The following USP42 variants were observed in gnomAD, a reference collection of about 807,000 sequenced individuals.
USP42 encodes ubiquitin specific peptidase 42, also known as ubiquitin carboxyl-terminal hydrolase 42.
Under a neutral mutation model 113.0 loss-of-function variants are expected in USP42, and 23 were observed. The observed-to-expected ratio is 0.20, with a 90% CI of 0.15 to 0.29. The LOEUF (loss-of-function observed/expected upper bound fraction) is 0.29. USP42 is among the 10% of genes least tolerant of loss of function. The pLI is 1.00. For synonymous variants in USP42, 933 were observed against 699.0 expected (o/e 1.33, Z -5.28); for missense variants, 2,174 against 1,779.8 (o/e 1.22, Z -3.99).
upstream of USP42, among the ~76,000 whole-genome samples, chr7:6,103,909 A>G (rs1172316425): frequency 6.6e-6 from 1 of 150,976 alleles, no homozygotes. Flanking sequence ...CTCCACACCA[A>G]AAACAAACAA....
chr7:6,138,796 T>A (rs1781295220), intron 4 of USP42, among the ~76,000 whole-genome samples: 1 of 152,174 alleles, frequency 6.6e-6, no homozygotes. Context: ...CTTAGGAGAA[T>A]CTCATGCCTG....
At chr7:6,100,595 GC>G (rs1398849292), upstream of USP42, among the ~76,000 whole-genome samples, 2 of 150,666 alleles carry the variant, frequency 1.3e-5, no homozygotes, top group African/African-American at 5.0e-5. Flanking sequence ...CTCTCAAAGT[GC>G]TGGGATTACA....
Position 6,154,307 on chromosome 7 carries a change from C to A in USP42, c.2753C>A (p.Pro918His). The change falls in exon 15 of 18, where the codon CCT (proline) becomes CAT (histidine). Residue 918 changes from proline to histidine, a missense_variant. Pro to His is a moderately conservative substitution (Grantham distance 77). Coordinates refer to ENST00000306177, the MANE Select transcript of USP42 (RefSeq NM_032172.3). ...PAGHPEGDAE[P>H]SPGERVEDAA... is the part of the protein sequence containing the mutation. Reference sequence around the variant, plus strand: ...GGTCACCCGGAAGGGGACGCTGAGCCTAGCCCCGGCGAGAGGGTCGAGGAC... The same window carrying A: ...GGTCACCCGGAAGGGGACGCTGAGCATAGCCCCGGCGAGAGGGTCGAGGAC... The A allele has an allele frequency of 1.3e-6, 2 of 1,582,136 alleles. No individual in the cohort carries two copies. The highest frequency in any genetic ancestry group is 2.3e-5 in the East Asian group (1 of 42,896).
At chr7:6,145,459 A>G (rs1391006377) in intron 9 of USP42, 57 bp from the exon 10 acceptor site, 7 of 1,607,766 alleles carry the variant, frequency 4.4e-6, no homozygotes, top group Non-Finnish European at 6.0e-6. Flanking sequence ...CTCTACCTGA[A>G]TATGTGGAAT....
intron 3 of USP42, among the ~76,000 whole-genome samples, chr7:6,130,324 G>A (rs558495129): frequency 1.6e-4 from 24 of 152,348 alleles, no homozygotes; most frequent in Non-Finnish European, 2.9e-4. Context: ...CGTTGTCCCT[G>A]CTGGGTGGAA....
Position 6,159,308 on chromosome 7 carries a change from T to TC in USP42, c.3944-141dup. On this transcript the variant is annotated intron_variant, in intron 16 of 17. Transcript: ENST00000306177. This position sits in a 1 kb window ranked among gnomAD's most constrained non-coding sequence, Gnocchi z 4.1. ...CCGCTGAGCGCTGGGACATCCCTGCTCACCTCACTGGGGAGTGGCCTCAGG... is the reference window on the plus strand; with the variant it reads ...CCGCTGAGCGCTGGGACATCCCTGCTCCACCTCACTGGGGAGTGGCCTCAGG... 1.9e-6 allele frequency: 2 copies of TC among 1,036,956 alleles called. No individual in the cohort carries two copies. Among genetic ancestry groups the TC allele is most frequent in the Non-Finnish European group, 2.9e-6 (2 of 688,466 alleles). The allele number at this position is 1,036,956 out of a possible 1,614,324, so 64.2% of individuals were successfully genotyped here. A position where few individuals can be genotyped will look rare whatever the true frequency, so the allele number is the denominator to read the frequency against.
In USP42 at chr7:6,158,734, A is replaced by C. The variant is rs1782605017; in HGVS notation, c.3944-716A>C. Among the ~76,000 whole-genome samples, 1 of 152,076 alleles carries C rather than the reference A, an allele frequency of 6.6e-6. No homozygotes were observed. Among genetic ancestry groups the C allele is most frequent in the Admixed American group, 6.6e-5 (1 of 15,264 alleles). Reference sequence around the variant, plus strand: ...GCGTTCCCATTTCAGCGAATCGGGGAAGGAGATTCGTGAGGGCTGCTTGGT... The same window carrying C: ...GCGTTCCCATTTCAGCGAATCGGGGCAGGAGATTCGTGAGGGCTGCTTGGT... On this transcript the variant is annotated intron_variant, in intron 16 of 17. Transcript: ENST00000306177. The surrounding 1 kb of genome is among the most constrained non-coding windows in gnomAD (Gnocchi z 4.2).
At position 6,157,379 on chromosome 7, in the gene USP42, G is replaced by GCTTTA. The variant is rs1554350708; in HGVS notation, c.3943+324_3943+325insCTTTA. On this transcript the variant is annotated intron_variant, in intron 16 of 17. Coordinates refer to ENST00000306177, the MANE Select transcript of USP42 (RefSeq NM_032172.3). This position sits in a 1 kb window ranked among gnomAD's most constrained non-coding sequence, Gnocchi z 4.1. ...GGACCAGAACTCTTGGTTTGGTTTG[G>GCTTTA]TTTTATTTTATTTTATTTTATTTAT... 2 of 1,023,912 alleles carry GCTTTA rather than the reference G, an allele frequency of 2.0e-6. No individual in the cohort carries two copies. Among genetic ancestry groups the GCTTTA allele is most frequent in the Middle Eastern group, 3.1e-4 (1 of 3,254 alleles). 63.4% of individuals were successfully genotyped at this position (1,023,912 alleles called of 1,614,324 possible). A position where few individuals can be genotyped will look rare whatever the true frequency, so the allele number is the denominator to read the frequency against.
chr7:6,104,123 G>A (rs923233313), upstream of USP42, among the ~76,000 whole-genome samples: 1 of 151,348 alleles, frequency 6.6e-6, no homozygotes, highest in African/African-American at 2.5e-5. Flanking sequence ...CGCCCAGGCT[G>A]GAGGGCTGCA....
At chr7:6,151,634 G>A (rs1209183290) in intron 14 of USP42, among the ~76,000 whole-genome samples, 2 of 152,086 alleles carry the variant, frequency 1.3e-5, no homozygotes, top group East Asian at 3.9e-4. Context: ...GTAGAGACAG[G>A]GTTTTACCAT....
chr7:6,146,813 T>C (rs1583663904), intron 11 of USP42, among the ~76,000 whole-genome samples: 1 of 152,044 alleles, frequency 6.6e-6, no homozygotes, highest in East Asian at 1.9e-4. Context: ...CTGACAAGGG[T>C]GGGCTTCTGC....
intron 6 of USP42, 98 bp downstream of exon 6, chr7:6,140,293 G>A (rs1159476259): frequency 8.0e-6 from 8 of 1,002,174 alleles, no homozygotes; most frequent in Non-Finnish European, 1.2e-5. Flanking sequence ...GGAAGGAAAA[G>A]TGCTTCTCTC....
In USP42 at chr7:6,119,092, A is replaced by G. The variant is rs548098103; in HGVS notation, c.442+3569A>G. 1.3e-4 allele frequency among the ~76,000 whole-genome samples: 20 copies of G among 151,342 alleles called. 1 individual carries two copies. The South Asian group carries it at 2.3e-3, about 17-fold the overall frequency. ...TAGCTGCATCTGGGAACTCATGCCT[A>G]TAGTCCTAGTTACTTCGGAGGCTGA... On this transcript the variant is annotated intron_variant, in intron 3 of 17. Transcript: ENST00000306177.
At position 6,154,446 on chromosome 7, in the gene USP42, G is replaced by C. The variant is rs972789768; in HGVS notation, c.2892G>C (p.Glu964Asp). The change falls in exon 15 of 18, where the codon GAG becomes GAC. Residue 964 changes from glutamate (E) to aspartate (D), a missense_variant. By Grantham distance (45) the Glu-to-Asp change is conservative. Transcript: ENST00000306177. ...RSRRERSSSG[E>D]PARESRSKTE... ...GGAGAGAGCGCTCGTCCAGCGGGGA[G>C]CCCGCCAGAGAGAGCAGGAGCAAGA... 8.3e-6 allele frequency: 13 copies of C among 1,567,100 alleles called. No homozygotes were observed. The African/African-American group carries it at 1.8e-4, about 21-fold the overall frequency.
intron 14 of USP42, among the ~76,000 whole-genome samples, chr7:6,152,393 C>T (rs575398743): frequency 1.3e-5 from 2 of 152,370 alleles, no homozygotes; most frequent in East Asian, 1.9e-4. Context: ...AAAACCGTGC[C>T]AGTGACACAC....
chr7:6,146,673 C>T (rs896106153), intron 11 of USP42, among the ~76,000 whole-genome samples: 26 of 152,202 alleles, frequency 1.7e-4, no homozygotes, highest in African/African-American at 6.3e-4. Flanking sequence ...AAAAAAAAAC[C>T]AAAAACCATC....
At chr7:6,123,847 A>C (rs1050017400) in intron 3 of USP42, among the ~76,000 whole-genome samples, 2 of 150,764 alleles carry the variant, frequency 1.3e-5, no homozygotes, top group African/African-American at 4.9e-5. Context: ...AAAAAAAAAA[A>C]AAAAGCCACT....
At chr7:6,106,195 T>C (rs1347575486) in intron 1 of USP42, among the ~76,000 whole-genome samples, 2 of 152,242 alleles carry the variant, frequency 1.3e-5, no homozygotes, top group Non-Finnish European at 2.9e-5. Context: ...GTTTATAAAG[T>C]TTAAGGCCAG....
chr7:6,145,963 C>T (rs940333353), intron 10 of USP42, among the ~76,000 whole-genome samples, 185 bp from the exon 11 acceptor site: 14 of 151,922 alleles, frequency 9.2e-5, no homozygotes, highest in African/African-American at 2.4e-4. Flanking sequence ...CCAGCAGCTC[C>T]GGAGGCTGAG....
Sources: allele counts gnomAD v4.1 joint callset (sites outside exome capture counted in the v4.1 genomes callset), GRCh38; gene constraint gnomAD v4.1.1; non-coding constraint Gnocchi (gnomAD v3.1); transcripts MANE v1.5; gene names NCBI Gene and HGNC (gene_info 2026-07-23, HGNC 2026-07-21).